SLC24A2: variants seen among roughly 807,000 people sequenced by gnomAD.
SLC24A2 encodes the protein solute carrier family 24 member 2.
A neutral mutation model predicts 62.0 loss-of-function variants in SLC24A2; 36 were observed. The observed-to-expected ratio is 0.58, with a 90% CI of 0.44 to 0.77. The LOEUF (loss-of-function observed/expected upper bound fraction) is 0.77, where lower values mean the gene tolerates loss of function less well. SLC24A2 is among the 30% of genes least tolerant of loss of function. The pLI, the probability that SLC24A2 is intolerant of heterozygous loss-of-function variation, is 0.00. For synonymous variants in SLC24A2, 358 were observed against 294.0 expected, an observed-to-expected ratio of 1.22 and a Z score of -2.23; for missense variants, 846 against 817.9, an observed-to-expected ratio of 1.03 and a Z score of -0.42.
chr9:20,037,807 C>A, the SLC24A2 span, among the ~76,000 whole-genome samples: 1 of 152,102 alleles, frequency 6.6e-6, no homozygotes, highest in Non-Finnish European at 1.5e-5. Context: ...GTGTAAATGG[C>A]CTCTAGTAGG....
the SLC24A2 span, among the ~76,000 whole-genome samples, chr9:20,273,997 A>G: frequency 6.6e-6 from 1 of 152,248 alleles, no homozygotes; most frequent in South Asian, 2.1e-4. Flanking sequence ...TGGATGAGAG[A>G]AAGATATGAC....
At chr9:20,187,513 T>C in the SLC24A2 span, among the ~76,000 whole-genome samples, 1 of 152,232 alleles carries the variant, frequency 6.6e-6, no homozygotes, top group East Asian at 1.9e-4. Flanking sequence ...TCCTCTATTC[T>C]TCAGCTCTCA....
chr9:20,184,268 G>A, the SLC24A2 span, among the ~76,000 whole-genome samples: 1,542 of 152,268 alleles, frequency 0.01, 18 homozygotes, highest in South Asian at 0.058. Context: ...GCAAAAGATA[G>A]GCTGGGTGCA....
chr9:19,860,511 T>A, the SLC24A2 span, among the ~76,000 whole-genome samples: 68,685 of 151,852 alleles, frequency 0.45, 17,837 homozygotes, highest in Middle Eastern at 0.57. Context: ...CTCAGCACAT[T>A]CCCAGCTGTG....
intron 2 of SLC24A2, among the ~76,000 whole-genome samples, chr9:19,673,580 C>G (rs949712517): frequency 2.0e-5 from 3 of 152,200 alleles, no homozygotes; most frequent in Admixed American, 2.0e-4. Flanking sequence ...TCCAGAATAG[C>G]TGGGATTACA....
At chr9:20,108,402 T>A in the SLC24A2 span, among the ~76,000 whole-genome samples, 2 of 152,130 alleles carry the variant, frequency 1.3e-5, no homozygotes, top group East Asian at 1.9e-4. Flanking sequence ...TGCACACGTA[T>A]GTTTATTGCG....
At chr9:20,137,686 C>G in the SLC24A2 span, among the ~76,000 whole-genome samples, 5 of 152,108 alleles carry the variant, frequency 3.3e-5, no homozygotes, top group South Asian at 1.0e-3. Flanking sequence ...TTTACTAGTT[C>G]TCTTACTACA....
chr9:19,721,065 C>A (rs1821012604), intron 2 of SLC24A2, among the ~76,000 whole-genome samples: 1 of 152,050 alleles, frequency 6.6e-6, no homozygotes, highest in Non-Finnish European at 1.5e-5. Context: ...AAGTTTAACT[C>A]TATGGTAACA....
At chr9:19,770,114 A>T (rs1822640112) in intron 2 of SLC24A2, among the ~76,000 whole-genome samples, 1 of 151,408 alleles carries the variant, frequency 6.6e-6, no homozygotes, top group Non-Finnish European at 1.5e-5. Context: ...TTTATGAGCC[A>T]GGAAACCTAA....
At chr9:19,789,388 T>G (rs577656633), upstream of SLC24A2, among the ~76,000 whole-genome samples, 1 of 152,326 alleles carries the variant, frequency 6.6e-6, no homozygotes, top group East Asian at 1.9e-4. Flanking sequence ...GCAGTCGCGC[T>G]TTTCTTTAGG....
At chr9:20,010,519 A>G in the SLC24A2 span, among the ~76,000 whole-genome samples, 1 of 152,210 alleles carries the variant, frequency 6.6e-6, no homozygotes, top group African/African-American at 2.4e-5. Flanking sequence ...AAAACAATTC[A>G]TGAACAAAAT....
chr9:19,559,172 T>A (rs1835270344), intron 7 of SLC24A2, among the ~76,000 whole-genome samples: 1 of 152,202 alleles, frequency 6.6e-6, no homozygotes, highest in African/African-American at 2.4e-5. Context: ...AGAAAAATAA[T>A]TTCTTCAAAG....
the SLC24A2 span, among the ~76,000 whole-genome samples, chr9:20,102,424 T>G: frequency 4.0e-4 from 57 of 140,886 alleles, 2 homozygotes; most frequent in South Asian, 0.011. Flanking sequence ...TTCCCACTCC[T>G]AAGTGGGAGT....
the SLC24A2 span, among the ~76,000 whole-genome samples, chr9:20,104,263 G>T: frequency 6.6e-6 from 1 of 152,180 alleles, no homozygotes; most frequent in Admixed American, 6.5e-5. Flanking sequence ...GAACCAAGTT[G>T]GAAAACACTC....
chr9:19,835,594 C>A, the SLC24A2 span, among the ~76,000 whole-genome samples: 5 of 152,128 alleles, frequency 3.3e-5, no homozygotes, highest in Admixed American at 6.5e-5. Context: ...TACTGACCTA[C>A]AAAGAGACTT....
chr9:19,532,078 C>T (rs545613565), intron 8 of SLC24A2, among the ~76,000 whole-genome samples: 9 of 152,016 alleles, frequency 5.9e-5, no homozygotes, highest in African/African-American at 2.2e-4. Context: ...ATCCCATATA[C>T]TTTATTTATT....
At chr9:19,636,320 T>TTTTCTTTTCC in intron 2 of SLC24A2, among the ~76,000 whole-genome samples, 1 of 21,358 alleles carries the variant, frequency 4.7e-5, no homozygotes, top group Non-Finnish European at 1.1e-4. Context: ...TTTTCTTTTC[T>TTTTCTTTTCC]TTCTTTCTTT....
intron 2 of SLC24A2, among the ~76,000 whole-genome samples, chr9:19,622,737 GA>G (rs1325660939): frequency 1.3e-5 from 2 of 151,988 alleles, no homozygotes; most frequent in East Asian, 1.9e-4. Flanking sequence ...TGCATATAAA[GA>G]AAAAAATTCT....
At chr9:19,723,456 A>G (rs1199333425) in intron 2 of SLC24A2, among the ~76,000 whole-genome samples, 1 of 152,118 alleles carries the variant, frequency 6.6e-6, no homozygotes, top group Non-Finnish European at 1.5e-5. Flanking sequence ...ATTCTATCAT[A>G]TTCCATTTAA....
Sources: allele counts gnomAD v4.1 joint callset (sites outside exome capture counted in the v4.1 genomes callset), GRCh38; gene constraint gnomAD v4.1.1; transcripts MANE v1.5; gene names NCBI Gene and HGNC (gene_info 2026-07-23, HGNC 2026-07-21).